The following AGRN variants were observed in gnomAD, a reference collection of about 807,000 sequenced individuals.
AGRN encodes the protein agrin.
Under a neutral mutation model 211.0 loss-of-function variants are expected in AGRN, and 106 were observed. The ratio of observed to expected loss-of-function variants is 0.50; its 90% CI spans 0.43 to 0.59. AGRN has a LOEUF of 0.59. Ranked by LOEUF, AGRN falls within the 20% of genes least tolerant of loss-of-function variation. AGRN has a pLI of 0.00. For missense variants in AGRN, 3,040 were observed against 2,982.6 expected, an observed-to-expected ratio of 1.02 and a Z score of -0.45; for synonymous variants, 1,525 against 1,332.5, an observed-to-expected ratio of 1.14 and a Z score of -3.15.
chr1:1,031,245 G>T lies in AGRN; in HGVS notation c.464-4032G>T, dbSNP rs1265150956. On this transcript the variant is annotated intron_variant, in intron 2 of 35. Transcript: ENST00000379370. This position sits in a 1 kb window ranked among gnomAD's most constrained non-coding sequence, Gnocchi z 4.8. The stretch of plus-strand genomic sequence containing the variant: ...GTGCTGTGAGTGTATCAGCATGTCT[G>T]TGTGTGTGCAGTGCATGGTGCTGAG... Among the ~76,000 whole-genome samples, 1 of 151,458 alleles carries T rather than the reference G, an allele frequency of 6.6e-6. No individual in the cohort carries two copies. The highest frequency in any genetic ancestry group is 6.6e-5 in the Admixed American group (1 of 15,202).
chr1:1,022,012 C>T (rs571567191), intron 1 of AGRN, among the ~76,000 whole-genome samples, 189 bp from the exon 2 acceptor site: 2 of 152,376 alleles, frequency 1.3e-5, no homozygotes, highest in East Asian at 1.9e-4. Flanking sequence ...CTGAGCGTTC[C>T]CGCATGGGCT....
At chr1:1,039,969 T>TG (rs1324618787) in intron 3 of AGRN, among the ~76,000 whole-genome samples, 1 of 152,028 alleles carries the variant, frequency 6.6e-6, no homozygotes, top group African/African-American at 2.4e-5. Flanking sequence ...CCAGGGAAGC[T>TG]GGGGAAGAGT....
In AGRN at chr1:1,045,965, C is replaced by T. The variant is rs118105080; in HGVS notation, c.2682C>T (p.Asp894=). 447 of 1,613,590 alleles carry T rather than the reference C, an allele frequency of 2.8e-4. 1 individual carries two copies. The East Asian group carries it at 5.4e-3, about 19-fold the overall frequency. ...AGGTTTCCCATGCCCGTGCCCCAGACGCTTCTGCGCCTGCGACCTGTGCGG... is the reference window on the plus strand; with the variant it reads ...AGGTTTCCCATGCCCGTGCCCCAGATGCTTCTGCGCCTGCGACCTGTGCGG... The part of the protein sequence containing the change: ...RALGPAGCEA[D]ASAPATCAEM... The change falls in exon 16 of 36, where the codon GAC becomes GAT. Residue 894 remains aspartate, a splice_region_variant and synonymous_variant. Coordinates refer to ENST00000379370, the MANE Select transcript of AGRN (RefSeq NM_198576.4).
At chr1:1,033,698 C>CCCCAGT (rs1255017384) in intron 2 of AGRN, among the ~76,000 whole-genome samples, 1 of 130,256 alleles carries the variant, frequency 7.7e-6, no homozygotes, top group Non-Finnish European at 1.7e-5. Flanking sequence ...CCAGGCCCAG[C>CCCCAGT]CCCAGTCCCA....
intron 12 of AGRN, 60 bp downstream of exon 12, chr1:1,044,499 C>T: frequency 6.6e-7 from 1 of 1,521,690 alleles, no homozygotes; most frequent in South Asian, 1.2e-5. Flanking sequence ...GTTTCCGTGT[C>T]TGGATGTGGG....
intron 3 of AGRN, among the ~76,000 whole-genome samples, chr1:1,035,584 C>G (rs1465565787): frequency 1.3e-5 from 2 of 152,354 alleles, no homozygotes; most frequent in Admixed American, 6.5e-5. Flanking sequence ...AAACTGGGAA[C>G]AAGTCCTGGG....
chr1:1,051,853 G>C, intron 33 of AGRN, 38 bp downstream of exon 33: 1 of 1,611,698 alleles, frequency 6.2e-7, no homozygotes, highest in South Asian at 1.1e-5. Context: ...GGTTCCATCT[G>C]TGCCCTCGGG....
Position 1,040,645 on chromosome 1 carries a change from T to G in AGRN, c.512-20T>G. 1 of 1,546,660 alleles carries G rather than the reference T, an allele frequency of 6.5e-7. No individual in the cohort carries two copies. The highest frequency in any genetic ancestry group is 8.7e-7 in the Non-Finnish European group (1 of 1,146,198). ...TACGGGCGTCTCGGCACCCTGAGCT[T>G]TCTCCCCTACCCGCCCCAGCGTGCC... On this transcript the variant is annotated intron_variant, in intron 3 of 35. Coordinates refer to ENST00000379370, the MANE Select transcript of AGRN (RefSeq NM_198576.4).
rs1320189473 is a variant in AGRN at position 1,049,994 on chromosome 1, G to A, written c.4836G>A (p.Gln1612=). The A allele has an allele frequency of 6.2e-7, 1 of 1,610,966 alleles. No individual in the cohort carries two copies. Among genetic ancestry groups the A allele is most frequent in the Non-Finnish European group, 8.5e-7 (1 of 1,179,408 alleles). Residue 1612 remains glutamine (Q), a synonymous_variant, in exon 27 of 36, where the codon CAG becomes CAA. Transcript: ENST00000379370. ...GTGTGCTGCCCGAGGGTGGTGCTCA[G>A]TGCGAGTGCCCCCTGGGGCGTGAGG... ...PCRVLPEGGA[Q]CECPLGREGT...
In AGRN at chr1:1,048,560, C is replaced by G. The variant is rs980700050; in HGVS notation, c.4105+195C>G. ...CCGAGGCAGGCGGATCACCTGAGGT[C>G]GGGAGTTCGAGACCAGCCTGACCAA... On this transcript the variant is annotated intron_variant, in intron 23 of 35. Transcript: ENST00000379370. This position sits in a 1 kb window ranked among gnomAD's most constrained non-coding sequence, Gnocchi z 5.9. The G allele has an allele frequency of 3.3e-6, 2 of 600,526 alleles. No homozygotes were observed. Among genetic ancestry groups the G allele is most frequent in the African/African-American group, 3.8e-5 (2 of 52,902 alleles). The allele number at this position is 600,526 out of a possible 1,614,324, so 37.2% of individuals were successfully genotyped here.
chr1:1,034,449 G>A (rs929519930), intron 2 of AGRN: 1 of 985,672 alleles, frequency 1.0e-6, no homozygotes, highest in Non-Finnish European at 1.2e-6. Context: ...GCTGTCCGCC[G>A]CCCCAGGGGT....
At chr1:1,037,892 TCAC>T (rs962288230) in intron 3 of AGRN, among the ~76,000 whole-genome samples, 13 of 151,838 alleles carry the variant, frequency 8.6e-5, no homozygotes, top group Non-Finnish European at 2.9e-5. Context: ...GTGTGTGCCA[TCAC>T]CACGTGCACC....
chr1:1,041,555 C>G lies in AGRN; in HGVS notation c.1030C>G (p.Leu344Val). ...GCGCACGCGGCGCCCTGAGATGCTC[C>G]TACGGCCCGAGAGCTGCCCTGCCCG... is the stretch of plus-strand genomic sequence containing the variant. ...NPRTRRPEMLLRPESCPARQA... is the reference protein window; with the variant it reads ...NPRTRRPEMLVRPESCPARQA... Residue 344 changes from leucine (L) to valine (V), a missense_variant, in exon 6 of 36, where the codon CTA becomes GTA. Coordinates refer to ENST00000379370, the MANE Select transcript of AGRN (RefSeq NM_198576.4). The G allele has an allele frequency of 1.2e-6, 2 of 1,608,626 alleles. No homozygotes were observed. The highest frequency in any genetic ancestry group is 1.7e-6 in the Non-Finnish European group (2 of 1,179,304).
intron 7 of AGRN, 40 bp from the exon 8 acceptor site, chr1:1,043,199 G>T (rs375081195): frequency 9.7e-6 from 15 of 1,552,966 alleles, no homozygotes; most frequent in Admixed American, 4.0e-5. Flanking sequence ...GCAGCGGAGG[G>T]GGGGCTTGTG....
Position 1,051,447 on chromosome 1 carries a change from C to T in AGRN, c.5371-6C>T. ...GGCGGGACAAGGCCCTCACCCTGCC[C>T]TGCAGGTCTCCCTCGGAGGCCGCCA... On this transcript the variant is annotated splice_polypyrimidine_tract_variant and splice_region_variant and intron_variant, in intron 31 of 35. Transcript: ENST00000379370. 6.4e-7 allele frequency: 1 copy of T among 1,552,524 alleles called. No homozygotes were observed. Among genetic ancestry groups the T allele is most frequent in the Non-Finnish European group, 8.7e-7 (1 of 1,153,756 alleles).
At chr1:1,022,589 G>A (rs1256598772) in intron 2 of AGRN, 127 bp downstream of exon 2, 1 of 739,562 alleles carries the variant, frequency 1.4e-6, no homozygotes, top group African/African-American at 1.7e-5. Flanking sequence ...ACGGTGTCTT[G>A]TGGTCCAACC....
At chr1:1,044,687 G>A (rs1010851828) in intron 12 of AGRN, among the ~76,000 whole-genome samples, 2 of 152,290 alleles carry the variant, frequency 1.3e-5, no homozygotes, top group Middle Eastern at 3.4e-3. Flanking sequence ...TGAACCATGC[G>A]GGGCCCCACC....
Position 1,046,842 on chromosome 1 carries a change from C to A in AGRN, c.3273C>A (p.Ser1091Arg). Reference sequence around the variant, plus strand: ...CAGGGCTCGAGCCCTTGGAGGGCAGCAGCGTGGCCACCCCTGGGCCACCTG... The same window carrying A: ...CAGGGCTCGAGCCCTTGGAGGGCAGAAGCGTGGCCACCCCTGGGCCACCTG... ...GSGGLEPLEGSSVATPGPPVE... is the reference protein window; with the variant it reads ...GSGGLEPLEGRSVATPGPPVE... Residue 1091 changes from serine (S) to arginine (R), a missense_variant, in exon 19 of 36, where the codon AGC becomes AGA. Physicochemically the swap from Ser to Arg is moderately radical, Grantham distance 110 (BLOSUM62 -1). This residue lies in a region of AGRN where 1,537 missense variants were observed against 1,505.0 expected (regional missense o/e 1.02). Coordinates refer to ENST00000379370, the MANE Select transcript of AGRN (RefSeq NM_198576.4). The A allele has an allele frequency of 6.3e-7, 1 of 1,585,846 alleles. No individual in the cohort carries two copies. Among genetic ancestry groups the A allele is most frequent in the Non-Finnish European group, 8.6e-7 (1 of 1,168,832 alleles).
chr1:1,041,243 G>C lies in AGRN; in HGVS notation c.798G>C (p.Leu266=). ...GSTCARSADG[L]TASCLCPATC... ...CCTGTGCGCGCTCGGCCGACGGGCT[G>C]ACGGCCTCGTGCCTGTGCCCCGCGA... The change falls in exon 5 of 36, where the codon CTG becomes CTC. Residue 266 remains leucine (L), a synonymous_variant. Transcript: ENST00000379370. The C allele has an allele frequency of 6.7e-7, 1 of 1,490,888 alleles. No homozygotes were observed. The highest frequency in any genetic ancestry group is 8.9e-7 in the Non-Finnish European group (1 of 1,126,672). The allele number at this position is 1,490,888 out of a possible 1,614,324, so 92.4% of individuals were successfully genotyped here.
Sources: gnomAD v4.1 joint callset for allele counts (sites outside exome capture counted in the v4.1 genomes callset) on GRCh38, gnomAD v4.1.1 for gene constraint, gnomAD v4.1.1 regional missense constraint, Gnocchi (gnomAD v3.1) non-coding constraint, MANE v1.5 for transcripts, NCBI Gene and HGNC (gene_info 2026-07-23, HGNC 2026-07-21) for gene names.